The following WNT2B variants were observed in gnomAD, a reference collection of about 807,000 sequenced individuals.
WNT2B encodes Wnt family member 2B.
In WNT2B, 19 loss-of-function variants were observed where a neutral mutation model predicts 40.5. That is an observed-to-expected ratio of 0.47 (90% CI 0.33 to 0.69). The LOEUF (loss-of-function observed/expected upper bound fraction) is 0.69, where lower values mean the gene tolerates loss of function less well. Among genes scored for constraint, WNT2B ranks in the 30% least tolerant of loss-of-function variants. WNT2B has a pLI of 0.02. For synonymous variants in WNT2B, 220 were observed against 211.9 expected (o/e 1.04, Z -0.33); for missense variants, 467 against 556.4 (o/e 0.84, Z 1.62).
Position 112,521,673 on chromosome 1 carries a change from G to A in WNT2B, c.*1164G>A, listed in dbSNP as rs1652890726. ...TTATTTAGTGACTCTCCAAGTCCTA[G>A]TGATTATTATTATTGTTCACTCCAC... On this transcript the variant is annotated 3_prime_UTR_variant, in exon 5 of 5. Coordinates refer to ENST00000369684, the MANE Select transcript of WNT2B (RefSeq NM_024494.3). The A allele has an allele frequency of 6.6e-6, 1 of 152,164 alleles. No individual in the cohort carries two copies. The allele number at this position is 152,164 out of a possible 1,614,324, so 9.4% of individuals were successfully genotyped here.
chr1:112,515,930 G>A lies in WNT2B; in HGVS notation c.404-210G>A, dbSNP rs1453903216. On this transcript the variant is annotated intron_variant, in intron 2 of 4. Coordinates refer to ENST00000369684, the MANE Select transcript of WNT2B (RefSeq NM_024494.3). This position sits in a 1 kb window ranked among gnomAD's most constrained non-coding sequence, Gnocchi z 4.4. ...AAAAGGTCAGATATACAAAGAAGTG[G>A]ATAGAGAGTAGTGAGGGCTGAGGGG... Among the ~76,000 whole-genome samples the A allele has an allele frequency of 6.6e-6, 1 of 152,198 alleles. No individual in the cohort carries two copies. Among genetic ancestry groups the A allele is most frequent in the African/African-American group, 2.4e-5 (1 of 41,436 alleles).
intron 1 of WNT2B, among the ~76,000 whole-genome samples, chr1:112,483,364 T>A (rs1214563084): frequency 6.6e-6 from 1 of 152,074 alleles, no homozygotes; most frequent in East Asian, 1.9e-4. Context: ...AGGATGCCAA[T>A]AACACACAAT....
intron 1 of WNT2B, among the ~76,000 whole-genome samples, chr1:112,490,589 A>G (rs988751115): frequency 6.6e-5 from 10 of 150,562 alleles, no homozygotes; most frequent in Admixed American, 4.0e-4. Context: ...TCCCGGGTTC[A>G]CGCCATTCTC....
In WNT2B at chr1:112,520,770, G is replaced by T. The variant is rs750208453; in HGVS notation, c.*261G>T. 7.7e-6 allele frequency: 4 copies of T among 520,590 alleles called. No individual in the cohort carries two copies. The highest frequency in any genetic ancestry group is 1.4e-5 in the Non-Finnish European group (4 of 293,238). 32.2% of individuals were successfully genotyped at this position (520,590 alleles called of 1,614,324 possible). A position where few individuals can be genotyped will look rare whatever the true frequency, so the allele number is the denominator to read the frequency against. ...TGAAGGGAGAGTAGAAGAGATAGGG[G>T]GTCTTTAGAGTGAAATGAGTTGCAC... On this transcript the variant is annotated 3_prime_UTR_variant, in exon 5 of 5. Coordinates refer to ENST00000369684, the MANE Select transcript of WNT2B (RefSeq NM_024494.3).
upstream of WNT2B, among the ~76,000 whole-genome samples, chr1:112,507,908 CGCAGG>C (rs1405556426): frequency 1.3e-5 from 2 of 152,278 alleles, no homozygotes; most frequent in Non-Finnish European, 2.9e-5. Flanking sequence ...CCACAGTGCC[CGCAGG>C]GCCCGTACCT....
chr1:112,507,987 AC>A (rs1393855462), upstream of WNT2B, among the ~76,000 whole-genome samples: 1 of 151,508 alleles, frequency 6.6e-6, no homozygotes, highest in Non-Finnish European at 1.5e-5. Flanking sequence ...GGCAGACTGC[AC>A]CTCCCCACCC....
chr1:112,517,145 G>C lies in WNT2B; in HGVS notation c.706G>C (p.Glu236Gln), dbSNP rs140289496. 1.6e-5 allele frequency: 25 copies of C among 1,612,012 alleles called. No homozygotes were observed. Among genetic ancestry groups the C allele is most frequent in the Non-Finnish European group, 2.0e-5 (24 of 1,178,368 alleles). ...GGCTGTGCGGCGGTTTCTGAAGCTG[G>C]AGTGTAAGTGCCATGGCGTGAGTGG... ...RTAVRRFLKL[E>Q]CKCHGVSGSC... Residue 236 changes from glutamate (E) to glutamine (Q), a missense_variant, in exon 4 of 5, where the codon GAG (glutamate) becomes CAG (glutamine). Glu to Gln is a conservative substitution (Grantham distance 29). Transcript: ENST00000369684.
rs751293359 is a variant in WNT2B, at chr1:112,520,375, C to G, written c.1042C>G (p.Arg348Gly). ...MCCGRGYDTT[R>G]VTRVTQCECK... is the part of the protein sequence containing the mutation. ...CTGTGGCCGAGGGTACGACACAACT[C>G]GAGTCACCCGTGTTACCCAGTGTGA... The change falls in exon 5 of 5, where the codon CGA becomes GGA. Residue 348 changes from arginine (R) to glycine (G), a missense_variant. Coordinates refer to ENST00000369684, the MANE Select transcript of WNT2B (RefSeq NM_024494.3). 1 of 1,614,122 alleles carries G rather than the reference C, an allele frequency of 6.2e-7. No homozygotes were observed. The highest frequency in any genetic ancestry group is 8.5e-7 in the Non-Finnish European group (1 of 1,180,034).
chr1:112,516,900 G>GGA (rs2101091335), intron 3 of WNT2B, among the ~76,000 whole-genome samples: 1 of 152,294 alleles, frequency 6.6e-6, no homozygotes, highest in South Asian at 2.1e-4. Context: ...GTCATGAAAA[G>GGA]GAAAGCACTG....
rs1653480921 is a variant in WNT2B, at chr1:112,526,733, C to T, written c.*6224C>T. On this transcript the variant is annotated 3_prime_UTR_variant, in exon 5 of 5. Transcript: ENST00000369684. ...CCAGCCTGGGAGACAGAGCGAGACT[C>T]CGTCACAAAAAAAAAAAAAAAGAAG... is the stretch of plus-strand genomic sequence containing the variant. 1 of 127,902 alleles carries T rather than the reference C, an allele frequency of 7.8e-6. No homozygotes were observed. Among genetic ancestry groups the T allele is most frequent in the South Asian group, 2.4e-4 (1 of 4,204 alleles). The allele number at this position is 127,902 out of a possible 1,614,324, so 7.9% of individuals were successfully genotyped here. A position where few individuals can be genotyped will look rare whatever the true frequency, so the allele number is the denominator to read the frequency against.
In WNT2B at chr1:112,521,128, ATTCTCTCTTT is replaced by A. The variant is rs1652845909; in HGVS notation, c.*628_*637del. ...ATCATAACAATACAAACACACATTC[ATTCTCTCTTT>A]TTCTCTCTACCATTCTCAACCTGTA... On this transcript the variant is annotated 3_prime_UTR_variant, in exon 5 of 5. Transcript: ENST00000369684. 2 of 153,100 alleles carry A rather than the reference ATTCTCTCTTT, an allele frequency of 1.3e-5. No homozygotes were observed. Among genetic ancestry groups the A allele is most frequent in the Non-Finnish European group, 2.9e-5 (2 of 68,740 alleles). 9.5% of individuals were successfully genotyped at this position (153,100 alleles called of 1,614,324 possible).
rs1653292736 is a variant in WNT2B at position 112,525,844 on chromosome 1, G to A, written c.*5335G>A. ...GTCCTTTTTGACAGCTTCCAAGGGG[G>A]GTTTGCCTAGGAATAACAATATTCA... On this transcript the variant is annotated 3_prime_UTR_variant, in exon 5 of 5. Coordinates refer to ENST00000369684, the MANE Select transcript of WNT2B (RefSeq NM_024494.3). 3 of 823,130 alleles carry A rather than the reference G, an allele frequency of 3.6e-6. No homozygotes were observed. Among genetic ancestry groups the A allele is most frequent in the African/African-American group, 1.7e-5 (1 of 58,660 alleles). The allele number at this position is 823,130 out of a possible 1,614,324, so 51.0% of individuals were successfully genotyped here. A position where few individuals can be genotyped will look rare whatever the true frequency, so the allele number is the denominator to read the frequency against.
intron 1 of WNT2B, among the ~76,000 whole-genome samples, chr1:112,492,718 G>A (rs1472834655): frequency 1.3e-5 from 2 of 152,146 alleles, no homozygotes; most frequent in Non-Finnish European, 2.9e-5. Flanking sequence ...CTAGGGGAAG[G>A]AAAATATCCA....
rs1321981887 is a variant in WNT2B, at chr1:112,491,145, C to T, written c.-95+23554C>T. On this transcript the variant is annotated intron_variant, in intron 1 of 4. Transcript: ENST00000256640. ...AAATAAATTGGCCTGCACGGTGGCT[C>T]GTGCCTGTAATCCCAGCACTTTCAG... 3.9e-5 allele frequency: 58 copies of T among 1,501,368 alleles called. No individual in the cohort carries two copies. In the Admixed American group the frequency reaches 9.7e-4, roughly 25 times the overall value. 93.0% of individuals were successfully genotyped at this position (1,501,368 alleles called of 1,614,324 possible).
chr1:112,491,181 G>A (rs760378531), intron 1 of WNT2B: 59 of 1,176,904 alleles, frequency 5.0e-5, no homozygotes, highest in South Asian at 6.7e-5. Context: ...AGGCTGAGGC[G>A]GGTGGATCAC....
chr1:112,478,181 C>T (rs759010975), intron 1 of WNT2B, among the ~76,000 whole-genome samples: 2 of 152,038 alleles, frequency 1.3e-5, no homozygotes, highest in Non-Finnish European at 2.9e-5. Context: ...CTGCAATGAG[C>T]TGTGATTGCA....
intron 1 of WNT2B, chr1:112,491,110 C>T (rs757153475): frequency 3.7e-6 from 6 of 1,605,642 alleles, no homozygotes; most frequent in Non-Finnish European, 5.1e-6. Flanking sequence ...GTCAGATAAC[C>T]AATTATAAAA....
intron 3 of WNT2B, 95 bp downstream of exon 3, chr1:112,516,512 G>A: frequency 6.8e-7 from 1 of 1,481,194 alleles, no homozygotes; most frequent in East Asian, 2.3e-5. Flanking sequence ...TGGAAGAGCT[G>A]AAGGCTTCTG....
upstream of WNT2B, chr1:112,508,782 A>G (rs1652220649): frequency 1.0e-6 from 1 of 987,240 alleles, no homozygotes; most frequent in Non-Finnish European, 1.2e-6. The surrounding 1 kb of genome is among the most constrained non-coding windows in gnomAD (Gnocchi z 4.2). Flanking sequence ...GTGCGGGAGC[A>G]GGTGGGGGTG....
Sources: gnomAD v4.1 joint callset for allele counts (sites outside exome capture counted in the v4.1 genomes callset) on GRCh38, gnomAD v4.1.1 for gene constraint, Gnocchi (gnomAD v3.1) non-coding constraint, MANE v1.5 for transcripts, NCBI Gene and HGNC (gene_info 2026-07-23, HGNC 2026-07-21) for gene names.